The following GBP2 variants were observed in gnomAD, a reference collection of about 807,000 sequenced individuals.
The protein encoded by GBP2 is guanylate-binding protein 2.
GBP2 carries 54 observed loss-of-function variants against 60.8 expected under a neutral mutation model. That is an observed-to-expected ratio of 0.89 (90% CI 0.71 to 1.11). The LOEUF (loss-of-function observed/expected upper bound fraction) is 1.11, where lower values mean the gene tolerates loss of function less well. Among genes scored for constraint, GBP2 ranks in the 50% most tolerant of loss-of-function variants. The probability of loss-of-function intolerance (pLI) is 0.00; values close to 1 mark genes in which losing one functional copy is unlikely to be tolerated. For synonymous variants in GBP2, 243 were observed against 256.5 expected (o/e 0.95, Z 0.50); for missense variants, 665 against 703.3 (o/e 0.95, Z 0.62).
chr1:89,117,510 C>T, intron 5 of GBP2, 67 bp downstream of exon 5: 1 of 1,357,074 alleles, frequency 7.4e-7, no homozygotes, highest in Non-Finnish European at 1.0e-6. Flanking sequence ...TAGCACTGCA[C>T]AGAAATGGTT....
chr1:89,114,251 C>A lies in GBP2; in HGVS notation c.914G>T (p.Gly305Val), dbSNP rs1681223953. 1 of 1,614,080 alleles carries A rather than the reference C, an allele frequency of 6.2e-7. No homozygotes were observed. The change falls in exon 7 of 11, where the codon GGG (glycine) becomes GTG (valine). Residue 305 changes from glycine to valine, a missense_variant. Gly to Val is a moderately radical substitution (Grantham distance 109). Transcript: ENST00000370466. ...VLTYVNAISS[G>V]DLPCMENAVL... ...TGCGTTCTCCATGCAGGGTAGATCC[C>A]CACTGCTGATGGCATTGACGTAGGT...
chr1:89,109,940 GT>G, intron 9 of GBP2, 70 bp from the exon 10 acceptor site: 1 of 1,398,222 alleles, frequency 7.2e-7, no homozygotes, highest in Admixed American at 2.3e-5. Context: ...CCTTTCCCTC[GT>G]TTTTGTTTGT....
At chr1:89,117,269 AAATT>A (rs1362096792) in intron 5 of GBP2, 35 bp from the exon 6 acceptor site, 6 of 1,527,336 alleles carry the variant, frequency 3.9e-6, no homozygotes, top group Middle Eastern at 1.7e-4. Context: ...GTAAAACTTC[AAATT>A]AATTACTTCA....
At chr1:89,120,383 C>A in intron 3 of GBP2, 95 bp from the exon 4 acceptor site, 1 of 999,716 alleles carries the variant, frequency 1.0e-6, no homozygotes, top group South Asian at 1.3e-5. Flanking sequence ...AACTCTGTCT[C>A]TCATTAGTTC....
At chr1:89,120,990 C>T (rs1449422808) in intron 3 of GBP2, among the ~76,000 whole-genome samples, 153 bp downstream of exon 3, 1 of 152,058 alleles carries the variant, frequency 6.6e-6, no homozygotes, top group Non-Finnish European at 1.5e-5. Flanking sequence ...GCTTATACCA[C>T]ACAAATTTTA....
At position 89,108,262 on chromosome 1, in the gene GBP2, G is replaced by A. The variant is rs375772970; in HGVS notation, c.1689C>T (p.Phe563=). 17 of 1,612,304 alleles carry A rather than the reference G, an allele frequency of 1.1e-5. No homozygotes were observed. Among genetic ancestry groups the A allele is most frequent in the Non-Finnish European group, 1.4e-5 (16 of 1,178,778 alleles). ...TTTGAAGTCTCTTGCTCTCATTCTC[G>A]AATCCCTCCTTGAGAAGGCGTTCCT... is the stretch of plus-strand genomic sequence containing the variant. ...QEQERLLKEG[F]ENESKRLQKD... Residue 563 remains phenylalanine, a synonymous_variant, in exon 11 of 11, where the codon TTC becomes TTT. Coordinates refer to ENST00000370466, the MANE Select transcript of GBP2 (RefSeq NM_004120.5).
chr1:89,107,989 G>T lies in GBP2; in HGVS notation c.*186C>A, dbSNP rs1681086743. 3 of 500,618 alleles carry T rather than the reference G, an allele frequency of 6.0e-6. No homozygotes were observed. The highest frequency in any genetic ancestry group is 3.7e-5 in the East Asian group (1 of 27,118). The allele number at this position is 500,618 out of a possible 1,614,324, so 31.0% of individuals were successfully genotyped here. A position where few individuals can be genotyped will look rare whatever the true frequency, so the allele number is the denominator to read the frequency against. Reference sequence around the variant, plus strand: ...ACTATAAATAAGCATGAGTTGAATTGCTCTGTAGGTAAAACATTGACCTCA... The same window carrying T: ...ACTATAAATAAGCATGAGTTGAATTTCTCTGTAGGTAAAACATTGACCTCA... On this transcript the variant is annotated 3_prime_UTR_variant, in exon 11 of 11. Transcript: ENST00000370466.
At chr1:89,120,325 T>C (rs1354230251) in intron 3 of GBP2, 37 bp from the exon 4 acceptor site, 3 of 1,465,916 alleles carry the variant, frequency 2.0e-6, no homozygotes, top group Non-Finnish European at 2.9e-6. Flanking sequence ...GAAGAATGAC[T>C]AGCAGAATGT....
At chr1:89,119,642 T>TC in intron 4 of GBP2, 1 of 152,504 alleles carries the variant, frequency 6.6e-6, no homozygotes, top group Non-Finnish European at 1.5e-5. Context: ...AGGGCATATA[T>TC]ATTAAAGAAG....
chr1:89,116,334 C>T (rs1681272569), intron 6 of GBP2, among the ~76,000 whole-genome samples: 1 of 152,092 alleles, frequency 6.6e-6, no homozygotes, highest in Non-Finnish European at 1.5e-5. Context: ...TTTTTAAGTT[C>T]TCATCTTACA....
chr1:89,124,557 A>C (rs115200557), intron 1 of GBP2, among the ~76,000 whole-genome samples: 37 of 152,328 alleles, frequency 2.4e-4, no homozygotes, highest in African/African-American at 8.7e-4. Flanking sequence ...ATATCTCCAT[A>C]CTTTGAAACA....
chr1:89,125,634 G>A (rs1457082600), intron 1 of GBP2, among the ~76,000 whole-genome samples: 1 of 152,150 alleles, frequency 6.6e-6, no homozygotes, highest in African/African-American at 2.4e-5. Flanking sequence ...TTAAGATAGT[G>A]TCAAGAAAGA....
intron 1 of GBP2, among the ~76,000 whole-genome samples, chr1:89,123,516 T>C (rs1183203252): frequency 6.6e-6 from 1 of 152,246 alleles, no homozygotes; most frequent in Non-Finnish European, 1.5e-5. Flanking sequence ...TTTGCTCAAT[T>C]CTAGTACATA....
chr1:89,112,608 A>G lies in GBP2; in HGVS notation c.1226T>C (p.Leu409Pro), dbSNP rs1557438750. Reference protein sequence around the residue: ...KASSDCCMALLQDIFGPLEED... With the variant: ...KASSDCCMALPQDIFGPLEED... The stretch of plus-strand genomic sequence containing the variant: ...TTCTAAAGGGCCAAATATATCCTGA[A>G]GTAAAGCCATGCAACAATCTGATGA... The change falls in exon 8 of 11, where the codon CTT (leucine) becomes CCT (proline). Residue 409 changes from leucine (L) to proline (P), a missense_variant. By Grantham distance (98) the Leu-to-Pro change is moderately conservative. Transcript: ENST00000370466. 2.5e-6 allele frequency: 4 copies of G among 1,614,100 alleles called. No individual in the cohort carries two copies. The highest frequency in any genetic ancestry group is 3.4e-6 in the Non-Finnish European group (4 of 1,180,040).
At chr1:89,117,935 C>A (rs1300580167) in intron 4 of GBP2, 162 bp from the exon 5 acceptor site, 2 of 632,280 alleles carry the variant, frequency 3.2e-6, no homozygotes, top group East Asian at 2.8e-5. Flanking sequence ...TTATTGAGCA[C>A]CTACTATGAA....
intron 6 of GBP2, 77 bp from the exon 7 acceptor site, chr1:89,114,373 G>A: frequency 1.3e-6 from 2 of 1,488,904 alleles, no homozygotes; most frequent in Non-Finnish European, 1.8e-6. Context: ...TCAAGTGAGT[G>A]TCACAAATAA....
chr1:89,115,512 C>A (rs1486589132), intron 6 of GBP2, among the ~76,000 whole-genome samples: 1 of 152,194 alleles, frequency 6.6e-6, no homozygotes, highest in Non-Finnish European at 1.5e-5. Context: ...TCTGCCAGTC[C>A]TTTCAAGACC....
chr1:89,117,577 C>T lies in GBP2; in HGVS notation c.625G>A (p.Gly209Ser), dbSNP rs879687682. 3 of 1,611,666 alleles carry T rather than the reference C, an allele frequency of 1.9e-6. No homozygotes were observed. Among genetic ancestry groups the T allele is most frequent in the Non-Finnish European group, 2.5e-6 (3 of 1,179,058 alleles). The change falls in exon 5 of 11, where the codon GGT becomes AGT. Residue 209 changes from glycine (G) to serine (S), a missense_variant and splice_region_variant. Coordinates refer to ENST00000370466, the MANE Select transcript of GBP2 (RefSeq NM_004120.5). The stretch of plus-strand genomic sequence containing the variant: ...CCAACCAAGCATCAGACCCAGTAAC[C>T]TTTTCTTAGCTTTAGCGAAAGCTCC... ...YLELSLKLRK[G>S]TDKKSKSFND...
Position 89,107,298 on chromosome 1 carries a change from G to A in GBP2, c.*877C>T, listed in dbSNP as rs566307838. Among the ~76,000 whole-genome samples the A allele has an allele frequency of 6.6e-6, 1 of 151,984 alleles. No individual in the cohort carries two copies. Among genetic ancestry groups the A allele is most frequent in the African/African-American group, 2.4e-5 (1 of 41,434 alleles). On this transcript the variant is annotated 3_prime_UTR_variant, in exon 11 of 11. Transcript: ENST00000370466. Reference sequence around the variant, plus strand: ...GAGAGAAAAATGCAGTCAAGTTTTAGGCTTTATAGGATTATAGTCCTGGTC... The same window carrying A: ...GAGAGAAAAATGCAGTCAAGTTTTAAGCTTTATAGGATTATAGTCCTGGTC...
Sources: gnomAD v4.1 joint callset for allele counts (sites outside exome capture counted in the v4.1 genomes callset) on GRCh38, gnomAD v4.1.1 for gene constraint, MANE v1.5 for transcripts, NCBI Gene and HGNC (gene_info 2026-07-23, HGNC 2026-07-21) for gene names.